KAZN: variants seen among roughly 807,000 people sequenced by gnomAD.
KAZN encodes the protein kazrin, periplakin interacting protein.
Under a neutral mutation model 87.4 loss-of-function variants are expected in KAZN, and 40 were observed. The observed-to-expected ratio is 0.46, with a 90% CI of 0.36 to 0.60. KAZN has a LOEUF of 0.60. Among genes scored for constraint, KAZN ranks in the 20% least tolerant of loss-of-function variants. The pLI, the probability that KAZN is intolerant of heterozygous loss-of-function variation, is 0.00. For missense variants in KAZN, 898 were observed against 1,073.9 expected, an observed-to-expected ratio of 0.84 and a Z score of 2.29; for synonymous variants, 466 against 458.3, an observed-to-expected ratio of 1.02 and a Z score of -0.22.
At chr1:14,211,460 G>A (rs1023253353) in intron 2 of KAZN, among the ~76,000 whole-genome samples, 7 of 152,130 alleles carry the variant, frequency 4.6e-5, no homozygotes, top group African/African-American at 1.7e-4. Context: ...TTGTGACCTC[G>A]TGATCTGCCC....
intron 1 of KAZN, among the ~76,000 whole-genome samples, chr1:13,951,320 C>T (rs1641336615): frequency 6.6e-6 from 1 of 152,084 alleles, no homozygotes; most frequent in South Asian, 2.1e-4. Flanking sequence ...AGCTGTGTGG[C>T]TTGACTTTCC....
intron 2 of KAZN, among the ~76,000 whole-genome samples, chr1:14,221,279 A>C (rs1647091311): frequency 6.6e-6 from 1 of 152,186 alleles, no homozygotes. Flanking sequence ...TGAATTCTAA[A>C]TATAATATAA....
intron 2 of KAZN, among the ~76,000 whole-genome samples, chr1:14,306,053 C>A (rs746275416): frequency 6.6e-6 from 1 of 152,110 alleles, no homozygotes; most frequent in Non-Finnish European, 1.5e-5. Flanking sequence ...AGGGAGGAAA[C>A]AATTTTTGTT....
intron 2 of KAZN, among the ~76,000 whole-genome samples, chr1:14,398,814 C>G (rs1336627670): frequency 6.6e-6 from 1 of 152,200 alleles, no homozygotes; most frequent in Non-Finnish European, 1.5e-5. Flanking sequence ...CGTGGTCAAG[C>G]ACTCTGAAGG....
chr1:14,511,118 G>A (rs995049083), intron 2 of KAZN, among the ~76,000 whole-genome samples: 6 of 151,684 alleles, frequency 4.0e-5, no homozygotes, highest in African/African-American at 1.2e-4. Flanking sequence ...GGGGTGGGAG[G>A]GTGGTCCCAG....
chr1:14,665,946 A>AAAT (rs1553206126), intron 1 of KAZN, among the ~76,000 whole-genome samples: 5 of 151,770 alleles, frequency 3.3e-5, no homozygotes, highest in African/African-American at 1.2e-4. Context: ...AAAAAAAAAA[A>AAAT]AAAAAAATAA....
Position 15,056,010 on chromosome 1 carries a change from T to G in KAZN, c.727-81T>G. The G allele has an allele frequency of 7.2e-7, 1 of 1,381,924 alleles. No homozygotes were observed. Among genetic ancestry groups the G allele is most frequent in the South Asian group, 1.3e-5 (1 of 77,078 alleles). 85.6% of individuals were successfully genotyped at this position (1,381,924 alleles called of 1,614,324 possible). On this transcript the variant is annotated intron_variant, in intron 4 of 14. Transcript: ENST00000376030. The surrounding 1 kb of genome is among the most constrained non-coding windows in gnomAD (Gnocchi z 5.4). ...GCAGAGGATCCGGGCTTTCTCCCCA[T>G]GGCGGTGGGTGGTGCCAAGCAGCTG...
intron 1 of KAZN, among the ~76,000 whole-genome samples, chr1:14,056,006 A>T (rs1263044396): frequency 6.6e-6 from 1 of 151,910 alleles, no homozygotes; most frequent in Non-Finnish European, 1.5e-5. Flanking sequence ...CACCACCTTA[A>T]TCTGAATTTC....
chr1:14,165,350 C>A (rs78914405), intron 1 of KAZN, among the ~76,000 whole-genome samples: 4,309 of 151,794 alleles, frequency 0.028, 206 homozygotes, highest in African/African-American at 0.098. Flanking sequence ...GCCTTAGCCC[C>A]GTGTCTTCCT....
At position 15,084,624 on chromosome 1, in the gene KAZN, T is replaced by C. The variant is rs910788351; in HGVS notation, c.1223-9556T>C. Among the ~76,000 whole-genome samples, 5 of 152,290 alleles carry C rather than the reference T, an allele frequency of 3.3e-5. 1 individual carries two copies. Among genetic ancestry groups the C allele is most frequent in the Admixed American group, 3.3e-4 (5 of 15,306 alleles). On this transcript the variant is annotated intron_variant, in intron 8 of 14. Transcript: ENST00000376030. ...TATCAGGGGGTTAAATTTTGGGATATAGCAAAGTGGAAGAACAGAGCCAGA... is the reference window on the plus strand; with the variant it reads ...TATCAGGGGGTTAAATTTTGGGATACAGCAAAGTGGAAGAACAGAGCCAGA...
intron 3 of KAZN, among the ~76,000 whole-genome samples, chr1:15,041,249 A>G (rs1469768288): frequency 4.1e-5 from 6 of 147,330 alleles, no homozygotes; most frequent in Non-Finnish European, 8.9e-5. Flanking sequence ...GGCATGAGCC[A>G]CCGCACCCGG....
At chr1:14,812,956 T>C (rs973733116) in intron 1 of KAZN, among the ~76,000 whole-genome samples, 1 of 152,190 alleles carries the variant, frequency 6.6e-6, no homozygotes, top group African/African-American at 2.4e-5. Flanking sequence ...TCTGGGCCTG[T>C]TTCTGAAGAC....
intron 2 of KAZN, among the ~76,000 whole-genome samples, chr1:14,335,758 CACAG>C (rs145578122): frequency 4.6e-5 from 7 of 151,432 alleles, no homozygotes; most frequent in African/African-American, 1.7e-4. Flanking sequence ...CACACACACA[CACAG>C]AGAGAGAGAG....
intron 1 of KAZN, among the ~76,000 whole-genome samples, chr1:14,003,006 AT>A (rs112449070): frequency 2.6e-5 from 4 of 152,356 alleles, no homozygotes; most frequent in African/African-American, 7.2e-5. Context: ...CATATATGCC[AT>A]GGAATACTAT....
intron 1 of KAZN, among the ~76,000 whole-genome samples, chr1:14,748,454 G>A (rs1386980718): frequency 6.6e-6 from 1 of 152,134 alleles, no homozygotes; most frequent in Non-Finnish European, 1.5e-5. Flanking sequence ...CTGCTGGGAG[G>A]AAGGGAGTTG....
intron 1 of KAZN, among the ~76,000 whole-genome samples, chr1:14,913,412 G>GT (rs1302080304): frequency 6.6e-6 from 1 of 152,132 alleles, no homozygotes; most frequent in Admixed American, 6.5e-5. Context: ...TCCTTCCTAC[G>GT]TATCTGTTCA....
At chr1:13,996,476 A>G (rs567843856) in intron 1 of KAZN, among the ~76,000 whole-genome samples, 10 of 152,238 alleles carry the variant, frequency 6.6e-5, no homozygotes, top group African/African-American at 2.4e-4. Context: ...ATTCATCTCT[A>G]TAGCTCCAGG....
At chr1:14,628,218 G>C (rs1265160000) in intron 1 of KAZN, among the ~76,000 whole-genome samples, 1 of 152,194 alleles carries the variant, frequency 6.6e-6, no homozygotes, top group Non-Finnish European at 1.5e-5. Context: ...TATGGATCCT[G>C]TGAGTTTGTT....
intron 1 of KAZN, among the ~76,000 whole-genome samples, chr1:13,929,788 T>G (rs774652831): frequency 1.3e-5 from 2 of 152,164 alleles, no homozygotes; most frequent in Non-Finnish European, 2.9e-5. Context: ...AACTAACAGG[T>G]AGAATGTATT....
Sources: allele counts gnomAD v4.1 joint callset (sites outside exome capture counted in the v4.1 genomes callset), GRCh38; gene constraint gnomAD v4.1.1; non-coding constraint Gnocchi (gnomAD v3.1); transcripts MANE v1.5; gene names NCBI Gene and HGNC (gene_info 2026-07-23, HGNC 2026-07-21).